ETFDH: variants seen among roughly 807,000 people sequenced by gnomAD.
ETFDH encodes the protein electron transfer flavoprotein-ubiquinone oxidoreductase, mitochondrial.
Under a neutral mutation model 73.2 loss-of-function variants are expected in ETFDH, and 61 were observed. The ratio of observed to expected loss-of-function variants is 0.83; its 90% CI spans 0.68 to 1.03. The LOEUF (loss-of-function observed/expected upper bound fraction) is 1.03, where lower values mean the gene tolerates loss of function less well. Ranked by LOEUF, ETFDH falls within the 50% of genes least tolerant of loss-of-function variation. The probability of loss-of-function intolerance (pLI) is 0.00; values close to 1 mark genes in which losing one functional copy is unlikely to be tolerated. For synonymous variants in ETFDH, 243 were observed against 253.3 expected (o/e 0.96, Z 0.39); for missense variants, 685 against 745.0 (o/e 0.92, Z 0.94).
rs796051965 is a variant in ETFDH at position 158,682,427 on chromosome 4, A to T, written c.405+3A>T. 15 of 1,611,362 alleles carry T rather than the reference A, an allele frequency of 9.3e-6. No individual in the cohort carries two copies. The Admixed American group carries it at 1.3e-4, about 14-fold the overall frequency. ...TCCCAGACTGGAAAGAGAAGGGGGT[A>T]TGAAAAATTGTTTTTTATACAAAGT... On this transcript the variant is annotated splice_donor_region_variant and intron_variant, in intron 3 of 12. Coordinates refer to ENST00000511912, the MANE Select transcript of ETFDH (RefSeq NM_004453.4).
intron 6 of ETFDH, among the ~76,000 whole-genome samples, chr4:158,693,510 G>T (rs1176469451): frequency 6.6e-6 from 1 of 152,150 alleles, no homozygotes; most frequent in African/African-American, 2.4e-5. Flanking sequence ...ACAGAAATAT[G>T]TTCATGAATA....
intron 1 of ETFDH, among the ~76,000 whole-genome samples, chr4:158,677,377 C>T (rs144918943): frequency 1.1e-3 from 170 of 152,276 alleles, no homozygotes; most frequent in African/African-American, 3.8e-3. Context: ...CAAAAGTTCA[C>T]GAATTTGTGT....
rs746356478 is a variant in ETFDH, at chr4:158,687,911, G to A, written c.607-2437G>A. Among the ~76,000 whole-genome samples, 10 of 151,762 alleles carry A rather than the reference G, an allele frequency of 6.6e-5. No homozygotes were observed. The East Asian group carries it at 1.4e-3, about 21-fold the overall frequency. Reference sequence around the variant, plus strand: ...AAAAATTAGCCGGGCATGGCGGCACGTGCCTGTAATCCTAGCTACTTGGGA... The same window carrying A: ...AAAAATTAGCCGGGCATGGCGGCACATGCCTGTAATCCTAGCTACTTGGGA... On this transcript the variant is annotated intron_variant, in intron 5 of 12. Transcript: ENST00000511912.
chr4:158,680,809 G>GA lies in ETFDH; in HGVS notation c.175+206dup, dbSNP rs142393789. Among the ~76,000 whole-genome samples, 1,769 of 152,290 alleles carry GA rather than the reference G, an allele frequency of 0.012. 26 individuals are homozygous for GA. Among genetic ancestry groups the GA allele is most frequent in the African/African-American group, 0.038 (1,575 of 41,552 alleles). On this transcript the variant is annotated intron_variant, in intron 2 of 12. Transcript: ENST00000511912. ...AATCCCTTGACATTATAATGGAGCT[G>GA]AAAATTCCTATCACCTAGTGACATC...
rs550669225 is a variant in ETFDH at position 158,694,402 on chromosome 4, G to A, written c.685-1095G>A. On this transcript the variant is annotated intron_variant, in intron 6 of 12. Transcript: ENST00000511912. ...GAGGTCAGGAGTTCGAGACCAGCCTGGCCAACATGGTGAAACCCTGTCTCT... is the reference window on the plus strand; with the variant it reads ...GAGGTCAGGAGTTCGAGACCAGCCTAGCCAACATGGTGAAACCCTGTCTCT... Among the ~76,000 whole-genome samples, 6 of 152,234 alleles carry A rather than the reference G, an allele frequency of 3.9e-5. No homozygotes were observed. The South Asian group carries it at 1.0e-3, about 26-fold the overall frequency.
At chr4:158,702,934 CCAA>C (rs1304689292) in intron 9 of ETFDH, among the ~76,000 whole-genome samples, 1 of 152,100 alleles carries the variant, frequency 6.6e-6, no homozygotes, top group African/African-American at 2.4e-5. Flanking sequence ...TACATTCCCA[CCAA>C]CAATGTGTGA....
At chr4:158,672,633 C>T (rs1561233217) in intron 1 of ETFDH, 143 bp downstream of exon 1, 17 of 838,992 alleles carry the variant, frequency 2.0e-5, no homozygotes, top group Middle Eastern at 2.2e-4. Flanking sequence ...CGCTGTCAGC[C>T]TGTTGGGGGA....
intron 7 of ETFDH, among the ~76,000 whole-genome samples, chr4:158,697,131 C>T (rs1008888211): frequency 2.6e-5 from 4 of 151,550 alleles, no homozygotes; most frequent in Admixed American, 6.6e-5. Flanking sequence ...GTCATGCTCT[C>T]TCACCCAGGC....
chr4:158,677,496 GA>G (rs558893361), intron 1 of ETFDH, among the ~76,000 whole-genome samples: 4 of 152,282 alleles, frequency 2.6e-5, no homozygotes, highest in African/African-American at 9.6e-5. Flanking sequence ...CCTAGATCAG[GA>G]AAAGGCCTAG....
At chr4:158,702,263 A>T (rs539300456) in intron 9 of ETFDH, among the ~76,000 whole-genome samples, 3 of 152,158 alleles carry the variant, frequency 2.0e-5, no homozygotes, top group Non-Finnish European at 4.4e-5. Flanking sequence ...TAATGATCAA[A>T]TCAGGGTAAT....
chr4:158,686,492 G>A (rs1358672339), intron 5 of ETFDH, among the ~76,000 whole-genome samples: 2 of 152,220 alleles, frequency 1.3e-5, no homozygotes, highest in Non-Finnish European at 2.9e-5. Flanking sequence ...GACTGAGAGA[G>A]GAAGCTAAGC....
intron 10 of ETFDH, among the ~76,000 whole-genome samples, chr4:158,705,262 A>G (rs980272888): frequency 6.6e-6 from 1 of 152,176 alleles, no homozygotes; most frequent in African/African-American, 2.4e-5. Context: ...CAGTGCTGCA[A>G]TCCTTGGTCT....
intron 8 of ETFDH, 143 bp downstream of exon 8, chr4:158,697,842 T>C (rs1047118304): frequency 2.6e-6 from 2 of 755,046 alleles, no homozygotes; most frequent in Non-Finnish European, 4.5e-6. Flanking sequence ...AAAGTGCTTA[T>C]GGCTGCTGTG....
At chr4:158,683,603 AG>A (rs1561238906) in intron 3 of ETFDH, among the ~76,000 whole-genome samples, 1 of 152,066 alleles carries the variant, frequency 6.6e-6, no homozygotes, top group Admixed American at 6.6e-5. Flanking sequence ...TTTTTGAGAC[AG>A]GGTCTCACTC....
chr4:158,677,144 G>T (rs999925962), intron 1 of ETFDH, among the ~76,000 whole-genome samples: 1 of 152,150 alleles, frequency 6.6e-6, no homozygotes, highest in African/African-American at 2.4e-5. Flanking sequence ...CCCAAGTGTT[G>T]ATGAAAAAGC....
chr4:158,699,087 G>A lies in ETFDH; in HGVS notation c.1073G>A (p.Arg358Lys), dbSNP rs796051959. 2.5e-6 allele frequency: 4 copies of A among 1,614,024 alleles called. No individual in the cohort carries two copies. Among genetic ancestry groups the A allele is most frequent in the Admixed American group, 3.3e-5 (2 of 60,012 alleles). ...SIRPTLEGGKRIAYGARALNE... is the reference protein window; with the variant it reads ...SIRPTLEGGKKIAYGARALNE... Reference sequence around the variant, plus strand: ...CGGCCAACCTTGGAAGGTGGAAAAAGGATTGCATACGGAGCCAGAGCTCTC... The same window carrying A: ...CGGCCAACCTTGGAAGGTGGAAAAAAGATTGCATACGGAGCCAGAGCTCTC... The change falls in exon 9 of 13, where the codon AGG becomes AAG. Residue 358 changes from arginine to lysine, a missense_variant. This residue lies in a region of ETFDH where 79 missense variants were observed against 120.5 expected (regional missense o/e 0.66). Transcript: ENST00000511912.
In ETFDH at chr4:158,672,507, G is replaced by A. The variant is rs1561233100; in HGVS notation, c.34+17G>A. On this transcript the variant is annotated intron_variant, in intron 1 of 12. Coordinates refer to ENST00000511912, the MANE Select transcript of ETFDH (RefSeq NM_004453.4). ...CCTGCCTGGGTGAGAGGAAACGGGC[G>A]GTGGGGATAAGTGGAGGAGTTAGGG... 4 of 1,613,840 alleles carry A rather than the reference G, an allele frequency of 2.5e-6. No homozygotes were observed. Among genetic ancestry groups the A allele is most frequent in the East Asian group, 4.5e-5 (2 of 44,894 alleles).
At chr4:158,683,493 T>A (rs1418864528) in intron 3 of ETFDH, among the ~76,000 whole-genome samples, 1 of 152,242 alleles carries the variant, frequency 6.6e-6, no homozygotes, top group Non-Finnish European at 1.5e-5. Flanking sequence ...CCTTTTGATA[T>A]TATATCAGAA....
chr4:158,693,107 A>G (rs937003283), intron 6 of ETFDH, among the ~76,000 whole-genome samples: 12 of 152,128 alleles, frequency 7.9e-5, no homozygotes, highest in African/African-American at 2.9e-4. Context: ...TCCATTCTCT[A>G]TTTAACCCAC....
Sources: allele counts gnomAD v4.1 joint callset (sites outside exome capture counted in the v4.1 genomes callset), GRCh38; gene constraint gnomAD v4.1.1; regional missense constraint gnomAD v4.1.1; transcripts MANE v1.5; gene names NCBI Gene and HGNC (gene_info 2026-07-23, HGNC 2026-07-21).